The following PRKN variants were observed in gnomAD, a reference collection of about 807,000 sequenced individuals.
PRKN encodes E3 ubiquitin-protein ligase parkin.
A neutral mutation model predicts 59.5 loss-of-function variants in PRKN; 56 were observed. That is an observed-to-expected ratio of 0.94 (90% CI 0.76 to 1.18). The LOEUF (loss-of-function observed/expected upper bound fraction) is 1.18. Among genes scored for constraint, PRKN ranks in the 50% most tolerant of loss-of-function variants. PRKN has a pLI of 0.00. For synonymous variants in PRKN, 250 were observed against 222.1 expected (o/e 1.13, Z -1.12); for missense variants, 657 against 596.4 (o/e 1.10, Z -1.06).
intron 2 of PRKN, among the ~76,000 whole-genome samples, chr6:162,439,210 T>A (rs1789931716): frequency 6.6e-6 from 1 of 152,130 alleles, no homozygotes; most frequent in Non-Finnish European, 1.5e-5. Flanking sequence ...GGTTATTGTC[T>A]AAATGTTTTC....
At chr6:161,571,710 C>G (rs543848006) in intron 7 of PRKN, among the ~76,000 whole-genome samples, 59 of 151,936 alleles carry the variant, frequency 3.9e-4, no homozygotes, top group African/African-American at 1.1e-3. Context: ...TAAGGGGTGC[C>G]CAGATAGCTG....
chr6:162,537,357 CAT>C (rs1442518200), intron 1 of PRKN, among the ~76,000 whole-genome samples: 1 of 152,196 alleles, frequency 6.6e-6, no homozygotes, highest in Non-Finnish European at 1.5e-5. Flanking sequence ...AGTATCACCA[CAT>C]GTTCCCGCTT....
intron 2 of PRKN, among the ~76,000 whole-genome samples, chr6:162,311,481 CTTT>C (rs397886856): frequency 3.9e-5 from 5 of 128,520 alleles, no homozygotes; most frequent in Admixed American, 8.2e-5. Context: ...AATTTTTTTC[CTTT>C]TTTTTTTTTT....
intron 6 of PRKN, among the ~76,000 whole-genome samples, chr6:161,808,459 G>T (rs1791426100): frequency 6.6e-6 from 1 of 152,102 alleles, no homozygotes; most frequent in South Asian, 2.1e-4. Flanking sequence ...CTCTTAAATA[G>T]TACAGAAAAT....
chr6:161,863,906 G>C (rs928154318), intron 6 of PRKN, among the ~76,000 whole-genome samples: 6 of 152,178 alleles, frequency 3.9e-5, no homozygotes, highest in Non-Finnish European at 7.3e-5. Flanking sequence ...GTGTACAAGA[G>C]CATTATGTCT....
At chr6:161,982,110 A>G (rs140187005) in intron 5 of PRKN, among the ~76,000 whole-genome samples, 555 of 152,314 alleles carry the variant, frequency 3.6e-3, no homozygotes, top group African/African-American at 0.013. Context: ...GTGTGCCTTG[A>G]AGTTTATTCC....
intron 6 of PRKN, among the ~76,000 whole-genome samples, chr6:161,844,944 T>A (rs1793139597): frequency 1.3e-5 from 2 of 152,260 alleles, no homozygotes; most frequent in Non-Finnish European, 2.9e-5. Flanking sequence ...TAACAAGAAC[T>A]AACCTTGATA....
At position 161,459,296 on chromosome 6, in the gene PRKN, T is replaced by G. The variant is rs376525821; in HGVS notation, c.1084-72419A>C. Among the ~76,000 whole-genome samples, 7 of 152,360 alleles carry G rather than the reference T, an allele frequency of 4.6e-5. 1 individual carries two copies. The highest frequency in any genetic ancestry group is 1.7e-4 in the African/African-American group (7 of 41,586). ...CCTAAAGGAAATGCTGTGGTCTCTC[T>G]CTTAAGAATGAGAACATTCTCAGAA... On this transcript the variant is annotated intron_variant, in intron 9 of 11. Transcript: ENST00000366898. This position sits in a 1 kb window ranked among gnomAD's most constrained non-coding sequence, Gnocchi z 4.8.
At chr6:162,196,467 A>C (rs140830903) in intron 4 of PRKN, among the ~76,000 whole-genome samples, 80 of 152,338 alleles carry the variant, frequency 5.3e-4, no homozygotes, top group African/African-American at 1.8e-3. Flanking sequence ...TCATTTCTGC[A>C]TGGACCTCAG....
At chr6:162,053,129 T>C (rs1321816458) in intron 5 of PRKN, among the ~76,000 whole-genome samples, 2 of 152,186 alleles carry the variant, frequency 1.3e-5, no homozygotes, top group Non-Finnish European at 2.9e-5. Flanking sequence ...AATCTGTTCG[T>C]AGTCCCTAGC....
At chr6:162,343,983 C>CT (rs1784294640) in intron 2 of PRKN, among the ~76,000 whole-genome samples, 1 of 152,182 alleles carries the variant, frequency 6.6e-6, no homozygotes, top group African/African-American at 2.4e-5. Flanking sequence ...GTCACTCCCT[C>CT]TCTGGCACCT....
intron 4 of PRKN, among the ~76,000 whole-genome samples, chr6:162,084,362 A>G (rs1779172427): frequency 6.6e-6 from 1 of 152,172 alleles, no homozygotes; most frequent in South Asian, 2.1e-4. Context: ...ACATCTGTAC[A>G]TGAAGCCCGT....
At chr6:161,831,974 G>A (rs777431503) in intron 6 of PRKN, among the ~76,000 whole-genome samples, 10 of 152,162 alleles carry the variant, frequency 6.6e-5, no homozygotes, top group South Asian at 2.1e-4. Context: ...AGGCCCCCAC[G>A]CTCCAGGATC....
chr6:161,844,808 C>T (rs1301233608), intron 6 of PRKN, among the ~76,000 whole-genome samples: 1 of 152,264 alleles, frequency 6.6e-6, no homozygotes, highest in African/African-American at 2.4e-5. Flanking sequence ...CGCTTCGCTT[C>T]AGGCCTGCCT....
chr6:161,690,175 G>C lies in PRKN; in HGVS notation c.871+95597C>G, dbSNP rs149203023. On this transcript the variant is annotated intron_variant, in intron 7 of 11. Coordinates refer to ENST00000366898, the MANE Select transcript of PRKN (RefSeq NM_004562.3). ...TAGGGAGACACCACTCTGTGCCTTG[G>C]TGTGAGTCCCCCACTCTCTCTACCA... 4.6e-5 allele frequency among the ~76,000 whole-genome samples: 7 copies of C among 152,240 alleles called. No individual in the cohort carries two copies. In the East Asian group the frequency reaches 1.2e-3, roughly 25 times the overall value.
At chr6:162,171,760 C>A (rs1211596794) in intron 4 of PRKN, among the ~76,000 whole-genome samples, 1 of 152,138 alleles carries the variant, frequency 6.6e-6, no homozygotes, top group Non-Finnish European at 1.5e-5. Flanking sequence ...CAATTTATAA[C>A]TTGGCTATTG....
In PRKN at chr6:162,618,462, A is replaced by T. The variant is rs538921623; in HGVS notation, c.7+109200T>A. Reference sequence around the variant, plus strand: ...TAAATCAAATATTTTATAAATTTATACAATTATATGGAAATCCCAGACACA... The same window carrying T: ...TAAATCAAATATTTTATAAATTTATTCAATTATATGGAAATCCCAGACACA... On this transcript the variant is annotated intron_variant, in intron 1 of 11. Transcript: ENST00000366898. Among the ~76,000 whole-genome samples the T allele has an allele frequency of 2.4e-4, 37 of 152,300 alleles. 1 individual carries two copies. The South Asian group carries it at 4.6e-3, about 19-fold the overall frequency.
intron 6 of PRKN, among the ~76,000 whole-genome samples, chr6:161,916,868 G>A (rs1402062134): frequency 3.3e-5 from 5 of 152,080 alleles, no homozygotes; most frequent in African/African-American, 7.2e-5. Context: ...GCGCGACCTC[G>A]GTTCACTGCA....
chr6:162,600,532 G>T lies in PRKN; in HGVS notation c.7+127130C>A, dbSNP rs61554374. On this transcript the variant is annotated intron_variant, in intron 1 of 11. Coordinates refer to ENST00000366898, the MANE Select transcript of PRKN (RefSeq NM_004562.3). ...ATCCCATACCCCAAAACGCTGTTCT[G>T]ATTTATTTTAATCACAGATGGTGAT... Among the ~76,000 whole-genome samples the T allele has an allele frequency of 2.8e-3, 420 of 152,198 alleles. 3 individuals are homozygous for T. The highest frequency in any genetic ancestry group is 9.4e-3 in the African/African-American group (389 of 41,534).
Sources: allele counts gnomAD v4.1 joint callset (sites outside exome capture counted in the v4.1 genomes callset), GRCh38; gene constraint gnomAD v4.1.1; non-coding constraint Gnocchi (gnomAD v3.1); transcripts MANE v1.5; gene names NCBI Gene and HGNC (gene_info 2026-07-23, HGNC 2026-07-21).